The following CPNE9 variants were observed in gnomAD, a reference collection of about 807,000 sequenced individuals.
The protein encoded by CPNE9 is copine family member 9, also known as copine-9.
In CPNE9, 59 loss-of-function variants were observed where a neutral mutation model predicts 83.0. The observed-to-expected ratio is 0.71, with a 90% CI of 0.58 to 0.88. The LOEUF (loss-of-function observed/expected upper bound fraction) is 0.88. Ranked by LOEUF, CPNE9 falls within the 40% of genes least tolerant of loss-of-function variation. CPNE9 has a pLI of 0.00. For synonymous variants in CPNE9, 256 were observed against 273.4 expected (o/e 0.94, Z 0.63); for missense variants, 619 against 720.8 (o/e 0.86, Z 1.62).
At chr3:9,726,641 C>G (rs979000668) in intron 18 of CPNE9, 24 bp from the exon 19 acceptor site, 2 of 1,601,744 alleles carry the variant, frequency 1.2e-6, no homozygotes, top group Non-Finnish European at 1.7e-6. Context: ...CTTGCCCCAA[C>G]AGTTCACCCT....
chr3:9,707,352 C>CAAAAAAAAAAAAAAAAAA (rs779965477), intron 7 of CPNE9, among the ~76,000 whole-genome samples: 1 of 50,978 alleles, frequency 2.0e-5, no homozygotes. Context: ...GATTCTGTCT[C>CAAAAAAAAAAAAAAAAAA]AAAAAAAAAA....
chr3:9,709,576 G>A (rs966134679), intron 7 of CPNE9, among the ~76,000 whole-genome samples: 3 of 151,664 alleles, frequency 2.0e-5, no homozygotes, highest in East Asian at 4.1e-4. Context: ...CGCCACCGTG[G>A]CCAGGCTGGT....
rs764433610 is a variant in CPNE9 at position 9,729,645 on chromosome 3, C to T, written c.1615C>T (p.Pro539Ser). Residue 539 changes from proline to serine, a missense_variant, in exon 21 of 21, where the codon CCA becomes TCA. Coordinates refer to ENST00000383832, the MANE Select transcript of CPNE9 (RefSeq NM_153635.3). ...CACCAGAGACATCCAGCCTCGGCCCCCACCCCCTGCCAACCCCAGCCCGAT... is the reference window on the plus strand; with the variant it reads ...CACCAGAGACATCCAGCCTCGGCCCTCACCCCCTGCCAACCCCAGCCCGAT... Reference protein sequence around the residue: ...MRTRDIQPRPPPPANPSPIPA... With the variant: ...MRTRDIQPRPSPPANPSPIPA... 3 of 1,614,100 alleles carry T rather than the reference C, an allele frequency of 1.9e-6. No individual in the cohort carries two copies. Among genetic ancestry groups the T allele is most frequent in the Admixed American group, 3.3e-5 (2 of 60,026 alleles).
intron 20 of CPNE9, among the ~76,000 whole-genome samples, chr3:9,728,228 C>T (rs1385168188): frequency 6.6e-6 from 1 of 152,160 alleles, no homozygotes; most frequent in Non-Finnish European, 1.5e-5. Context: ...CGGCTCATGC[C>T]TATAATCCCA....
intron 7 of CPNE9, among the ~76,000 whole-genome samples, chr3:9,709,484 T>A (rs894429397): frequency 6.7e-6 from 1 of 149,410 alleles, no homozygotes; most frequent in Non-Finnish European, 1.5e-5. Context: ...TTCTCCTGCC[T>A]CAGCCTCCCG....
chr3:9,704,497 C>T lies in CPNE9; in HGVS notation c.69-90C>T. The T allele has an allele frequency of 8.9e-7, 1 of 1,125,554 alleles. No individual in the cohort carries two copies. Among genetic ancestry groups the T allele is most frequent in the Non-Finnish European group, 1.4e-6 (1 of 734,466 alleles). 69.7% of individuals were successfully genotyped at this position (1,125,554 alleles called of 1,614,324 possible). On this transcript the variant is annotated intron_variant, in intron 1 of 20. Transcript: ENST00000383832. The surrounding 1 kb of genome is among the most constrained non-coding windows in gnomAD (Gnocchi z 7.1). ...GGGGACAGAGGTTCGATGCGGGCCC[C>T]ATGCCTCTCCTCAGTGCCCGGCTCA...
chr3:9,705,755 TG>T (rs1423514761), intron 6 of CPNE9, 35 bp downstream of exon 6: 4 of 1,570,362 alleles, frequency 2.5e-6, no homozygotes, highest in Non-Finnish European at 3.5e-6. Context: ...AGGTTGGGGG[TG>T]GGGGTGGTAT....
At chr3:9,716,629 C>A (rs907958101) in intron 14 of CPNE9, among the ~76,000 whole-genome samples, 2 of 152,178 alleles carry the variant, frequency 1.3e-5, no homozygotes, top group African/African-American at 2.4e-5. Flanking sequence ...CGCCACCACG[C>A]CCGGCTAATT....
Position 9,704,954 on chromosome 3 carries a change from G to T in CPNE9, c.220G>T (p.Asp74Tyr). ...AGACTTCGTGCGCAAATTCGTCCTCGACTATTTCTTTGAGGAAAAGCAAAA... is the reference window on the plus strand; with the variant it reads ...AGACTTCGTGCGCAAATTCGTCCTCTACTATTTCTTTGAGGAAAAGCAAAA... ...NPDFVRKFVL[D>Y]YFFEEKQNLR... The change falls in exon 4 of 21, where the codon GAC becomes TAC. Residue 74 changes from aspartate to tyrosine, a missense_variant. Physicochemically the swap from Asp to Tyr is radical, Grantham distance 160. Coordinates refer to ENST00000383832, the MANE Select transcript of CPNE9 (RefSeq NM_153635.3). This position sits in a 1 kb window ranked among gnomAD's most constrained non-coding sequence, Gnocchi z 7.1. 1 of 1,613,302 alleles carries T rather than the reference G, an allele frequency of 6.2e-7. No individual in the cohort carries two copies. The highest frequency in any genetic ancestry group is 2.2e-5 in the East Asian group (1 of 44,870).
chr3:9,715,644 T>A, intron 13 of CPNE9, 118 bp downstream of exon 13: 1 of 871,726 alleles, frequency 1.1e-6, no homozygotes, highest in Non-Finnish European at 1.9e-6. Flanking sequence ...CTTGGAATAG[T>A]AATATTGGGC....
At position 9,726,048 on chromosome 3, in the gene CPNE9, C is replaced by G. The variant is rs748176816; in HGVS notation, c.1341C>G (p.Val447=). Residue 447 remains valine (V), a synonymous_variant, in exon 18 of 21, where the codon GTC becomes GTG. Transcript: ENST00000383832. Reference sequence around the variant, plus strand: ...TGACGCAGACCAAGGAGGCCATCGTCAGCGTGAGTCTGAGGAGGAGGGCTT... The same window carrying G: ...TGACGCAGACCAAGGAGGCCATCGTGAGCGTGAGTCTGAGGAGGAGGGCTT... ...SDMTQTKEAI[V]SASSLPMSII... The G allele has an allele frequency of 6.3e-7, 1 of 1,594,824 alleles. No individual in the cohort carries two copies. Among genetic ancestry groups the G allele is most frequent in the South Asian group, 1.1e-5 (1 of 89,706 alleles).
chr3:9,714,639 TAAAA>T (rs34491669), intron 10 of CPNE9, among the ~76,000 whole-genome samples: 4 of 103,352 alleles, frequency 3.9e-5, no homozygotes, highest in Admixed American at 3.2e-4. Context: ...CTCAAAGTGG[TAAAA>T]AAAAAAAAAA....
rs762698669 is a variant in CPNE9 at position 9,715,511 on chromosome 3, T to C, written c.807T>C (p.Tyr269=). ...GGAAGAAATGTAAGAAGAAGAAATA[T>C]GTCAACTCAGGAACTGTGAGTGCTC... ...NPRKKCKKKK[Y]VNSGTVTLLS... The change falls in exon 13 of 21, where the codon TAT becomes TAC. Residue 269 remains tyrosine, a synonymous_variant. Coordinates refer to ENST00000383832, the MANE Select transcript of CPNE9 (RefSeq NM_153635.3). 3.7e-6 allele frequency: 6 copies of C among 1,613,922 alleles called. No homozygotes were observed. The highest frequency in any genetic ancestry group is 1.3e-5 in the African/African-American group (1 of 74,924).
chr3:9,721,788 CAA>C (rs1200306492), intron 17 of CPNE9, among the ~76,000 whole-genome samples: 1 of 152,194 alleles, frequency 6.6e-6, no homozygotes, highest in Non-Finnish European at 1.5e-5. Context: ...GTGAGAGAAT[CAA>C]GAGCTCCAGC....
At chr3:9,717,823 G>T (rs2076697966) in intron 15 of CPNE9, among the ~76,000 whole-genome samples, 1 of 152,070 alleles carries the variant, frequency 6.6e-6, no homozygotes, top group Admixed American at 6.5e-5. Flanking sequence ...TGTGTGGGTA[G>T]GTAGGTAAAT....
intron 17 of CPNE9, among the ~76,000 whole-genome samples, chr3:9,721,712 G>A (rs1280040459): frequency 6.6e-6 from 1 of 152,142 alleles, no homozygotes; most frequent in African/African-American, 2.4e-5. Flanking sequence ...ACAGTGAAGA[G>A]TTTAATATGA....
intron 15 of CPNE9, among the ~76,000 whole-genome samples, chr3:9,717,561 A>G (rs1281440564): frequency 1.3e-5 from 2 of 152,216 alleles, no homozygotes; most frequent in East Asian, 1.9e-4. Context: ...CCATATGAGA[A>G]TAGACAAGGG....
intron 7 of CPNE9, among the ~76,000 whole-genome samples, chr3:9,706,825 C>A (rs939403627): frequency 2.0e-5 from 3 of 152,060 alleles, no homozygotes; most frequent in Admixed American, 6.6e-5. Flanking sequence ...GAAGAATGTT[C>A]CAGGCAGAGG....
In CPNE9 at chr3:9,705,976, G is replaced by A; in HGVS notation, c.301-11G>A. 10 of 1,612,892 alleles carry A rather than the reference G, an allele frequency of 6.2e-6. No homozygotes were observed. Among genetic ancestry groups the A allele is most frequent in the Non-Finnish European group, 8.5e-6 (10 of 1,179,898 alleles). On this transcript the variant is annotated splice_polypyrimidine_tract_variant and intron_variant, in intron 6 of 20. Transcript: ENST00000383832. ...GAGCTTCTGGTCTTGCTGACTCCTT[G>A]TCCTGCATAGGATTTCCTGGGACAA...
Sources: gnomAD v4.1 joint callset for allele counts (sites outside exome capture counted in the v4.1 genomes callset) on GRCh38, gnomAD v4.1.1 for gene constraint, Gnocchi (gnomAD v3.1) non-coding constraint, MANE v1.5 for transcripts, NCBI Gene and HGNC (gene_info 2026-07-23, HGNC 2026-07-21) for gene names.